RADIL: variants seen among roughly 807,000 people sequenced by gnomAD.
The protein encoded by RADIL is Rap associating with DIL domain.
In RADIL, 99 loss-of-function variants were observed where a neutral mutation model predicts 97.6. The ratio of observed to expected loss-of-function variants is 1.01; its 90% confidence interval spans 0.86 to 1.20. RADIL has a LOEUF of 1.20. Ranked by LOEUF, RADIL falls within the 50% of genes most tolerant of loss-of-function variation. The probability of loss-of-function intolerance (pLI) is 0.00; values close to 1 mark genes in which losing one functional copy is unlikely to be tolerated. For missense variants in RADIL, 1,765 were observed against 1,498.9 expected (o/e 1.18, Z -2.93); for synonymous variants, 803 against 691.8 (o/e 1.16, Z -2.52).
At chr7:4,811,966 C>G (rs946360911) in intron 9 of RADIL, among the ~76,000 whole-genome samples, 2 of 152,030 alleles carry the variant, frequency 1.3e-5, no homozygotes, top group Non-Finnish European at 2.9e-5. Context: ...CCTCAGTCTC[C>G]TGGGCTCCTG....
intron 2 of RADIL, among the ~76,000 whole-genome samples, chr7:4,845,718 C>T (rs577172087): frequency 6.6e-6 from 1 of 152,186 alleles, no homozygotes; most frequent in South Asian, 2.1e-4. Context: ...AAACTTGGAC[C>T]GCCTCACACT....
At position 4,840,954 on chromosome 7, in the gene RADIL, G is replaced by A. The variant is rs1026462441; in HGVS notation, c.536-4349C>T. 6.6e-6 allele frequency among the ~76,000 whole-genome samples: 1 copy of A among 152,304 alleles called. No individual in the cohort carries two copies. The highest frequency in any genetic ancestry group is 1.5e-5 in the Non-Finnish European group (1 of 68,018). ...TGCACTCCAGCCTGGGTGACAGAGC[G>A]AGACTCCGTCTCAAAACAAAACAAA... On this transcript the variant is annotated intron_variant, in intron 2 of 14. Coordinates refer to ENST00000399583, the MANE Select transcript of RADIL (RefSeq NM_018059.5). The surrounding 1 kb of genome is among the most constrained non-coding windows in gnomAD (Gnocchi z 5.6).
Position 4,877,995 on chromosome 7 carries a change from T to C in RADIL, c.145A>G (p.Ser49Gly). 1 of 1,608,476 alleles carries C rather than the reference T, an allele frequency of 6.2e-7. No homozygotes were observed. Among genetic ancestry groups the C allele is most frequent in the Non-Finnish European group, 8.5e-7 (1 of 1,178,604 alleles). ...GTGGAGAGCTCGGCGGGGTCATCGC[T>C]GGCGCCCAGGCTGGAGAAGGTGGAG... ...LDSTFSSLGA[S>G]DDPAELSTQL... Residue 49 changes from serine to glycine, a missense_variant, in exon 2 of 15, where the codon AGC (serine) becomes GGC (glycine). Ser to Gly is a moderately conservative substitution (Grantham distance 56). Transcript: ENST00000399583.
At chr7:4,808,009 C>T (rs1192126590) in intron 9 of RADIL, among the ~76,000 whole-genome samples, 1 of 114,214 alleles carries the variant, frequency 8.8e-6, no homozygotes, top group African/African-American at 3.5e-5. Flanking sequence ...CCTCCCTCCT[C>T]CCTCTCCTCT....
At chr7:4,820,135 C>T (rs539375787) in intron 6 of RADIL, among the ~76,000 whole-genome samples, 2 of 152,354 alleles carry the variant, frequency 1.3e-5, no homozygotes, top group East Asian at 1.9e-4. Flanking sequence ...CTGGCCCCGT[C>T]CCCCTGTCAC....
chr7:4,850,215 T>G (rs1166079162), intron 2 of RADIL, among the ~76,000 whole-genome samples: 1 of 50,060 alleles, frequency 2.0e-5, no homozygotes, highest in African/African-American at 1.0e-4. Flanking sequence ...GACGATCCCT[T>G]TAAAAAAAAA....
intron 1 of RADIL, among the ~76,000 whole-genome samples, chr7:4,882,579 CA>C (rs1784508684): frequency 1.3e-5 from 2 of 152,142 alleles, no homozygotes; most frequent in Non-Finnish European, 2.9e-5. Context: ...CTCTCTGCTC[CA>C]ACAGGACAAT....
chr7:4,881,670 C>T (rs1784490101), intron 1 of RADIL, among the ~76,000 whole-genome samples: 1 of 139,906 alleles, frequency 7.1e-6, no homozygotes, highest in African/African-American at 2.7e-5. Flanking sequence ...GAGGTTGCAG[C>T]AAGCCGAGAT....
chr7:4,831,374 C>A (rs1156505446), intron 5 of RADIL, among the ~76,000 whole-genome samples: 1 of 151,570 alleles, frequency 6.6e-6, no homozygotes, highest in East Asian at 1.9e-4. Context: ...GACACTGGGG[C>A]CTTTCAGAGG....
chr7:4,815,212 G>T lies in RADIL; in HGVS notation c.2139+66C>A. 1 of 1,446,202 alleles carries T rather than the reference G, an allele frequency of 6.9e-7. No homozygotes were observed. The highest frequency in any genetic ancestry group is 9.1e-7 in the Non-Finnish European group (1 of 1,093,986). 89.6% of individuals were successfully genotyped at this position (1,446,202 alleles called of 1,614,324 possible). On this transcript the variant is annotated intron_variant, in intron 9 of 14. Coordinates refer to ENST00000399583, the MANE Select transcript of RADIL (RefSeq NM_018059.5). This position sits in a 1 kb window ranked among gnomAD's most constrained non-coding sequence, Gnocchi z 8.0. ...CCCGGCCCCCAGGCTTGGTTTGTGA[G>T]CCAGGGACCCACAGCATGTGGCCCC...
intron 2 of RADIL, among the ~76,000 whole-genome samples, chr7:4,855,094 C>T (rs76916598): frequency 0.095 from 14,417 of 152,182 alleles, 744 homozygotes; most frequent in South Asian, 0.14. Context: ...CTAACACTGA[C>T]GCAGGCAGCT....
intron 2 of RADIL, chr7:4,861,400 T>C (rs766433412): frequency 1.2e-6 from 2 of 1,614,198 alleles, no homozygotes; most frequent in Non-Finnish European, 1.7e-6. Flanking sequence ...GTAGTTTCAG[T>C]TTAGCATAGA....
intron 1 of RADIL, chr7:4,882,084 C>A (rs909095092): frequency 6.7e-6 from 1 of 150,210 alleles, no homozygotes; most frequent in African/African-American, 2.5e-5. Flanking sequence ...CTTCTTAAGC[C>A]CCCAGAAGTC....
At position 4,800,166 on chromosome 7, in the gene RADIL, C is replaced by T; in HGVS notation, c.2982+5G>A. ...GGGGTGCGGCGAGGGTCCTGGGCCA[C>T]TCACCATCCCGTCGATCAGGCCCAT... On this transcript the variant is annotated splice_donor_5th_base_variant and intron_variant, in intron 13 of 14. Coordinates refer to ENST00000399583, the MANE Select transcript of RADIL (RefSeq NM_018059.5). The T allele has an allele frequency of 6.2e-7, 1 of 1,603,822 alleles. No homozygotes were observed. Among genetic ancestry groups the T allele is most frequent in the Non-Finnish European group, 8.5e-7 (1 of 1,176,758 alleles).
chr7:4,800,969 G>A (rs1724921911), intron 12 of RADIL, among the ~76,000 whole-genome samples: 1 of 152,192 alleles, frequency 6.6e-6, no homozygotes, highest in Non-Finnish European at 1.5e-5. Flanking sequence ...GGCCGGCTGG[G>A]GCTGCCTCAC....
chr7:4,850,238 A>AAAAAC, intron 2 of RADIL, among the ~76,000 whole-genome samples: 2 of 148,326 alleles, frequency 1.3e-5, no homozygotes, highest in African/African-American at 5.0e-5. Context: ...AAAAAAAAAA[A>AAAAAC]CCTTTGACAG....
intron 2 of RADIL, among the ~76,000 whole-genome samples, chr7:4,839,579 T>C (rs1194419727): frequency 6.6e-6 from 1 of 152,164 alleles, no homozygotes; most frequent in African/African-American, 2.4e-5. Context: ...GAATATATGT[T>C]ATATATAATT....
Position 4,816,804 on chromosome 7 carries a change from C to T in RADIL, c.1729-339G>A, listed in dbSNP as rs530722975. On this transcript the variant is annotated intron_variant, in intron 7 of 14. Transcript: ENST00000399583. ...CAACAAAATGACGGGAGAGTCACCA[C>T]TCCCCCAGAAAGTGGCTCACCGCAC... 1.8e-3 allele frequency among the ~76,000 whole-genome samples: 267 copies of T among 152,264 alleles called. 2 individuals carry two copies. The highest frequency in any genetic ancestry group is 6.2e-3 in the African/African-American group (256 of 41,536).
intron 2 of RADIL, among the ~76,000 whole-genome samples, chr7:4,851,374 G>T (rs1412547674): frequency 6.6e-6 from 1 of 152,134 alleles, no homozygotes; most frequent in African/African-American, 2.4e-5. Flanking sequence ...CCTTGAACAG[G>T]CTACTAGGAA....
Sources: gnomAD v4.1 joint callset for allele counts (sites outside exome capture counted in the v4.1 genomes callset) on GRCh38, gnomAD v4.1.1 for gene constraint, Gnocchi (gnomAD v3.1) non-coding constraint, MANE v1.5 for transcripts, NCBI Gene and HGNC (gene_info 2026-07-23, HGNC 2026-07-21) for gene names.